SMAP1: variants seen among roughly 807,000 people sequenced by gnomAD.
SMAP1 encodes small ArfGAP 1.
A neutral mutation model predicts 58.5 loss-of-function variants in SMAP1; 24 were observed. The observed-to-expected ratio is 0.41, with a 90% CI of 0.30 to 0.58. SMAP1 has a LOEUF of 0.58. Among genes scored for constraint, SMAP1 ranks in the 20% least tolerant of loss-of-function variants. The pLI is 0.29. For missense variants in SMAP1, 563 were observed against 566.3 expected, an observed-to-expected ratio of 0.99 and a Z score of 0.06; for synonymous variants, 216 against 196.6, an observed-to-expected ratio of 1.10 and a Z score of -0.82.
intron 3 of SMAP1, among the ~76,000 whole-genome samples, chr6:70,758,538 TA>T (rs898462035): frequency 6.6e-6 from 1 of 151,460 alleles, no homozygotes; most frequent in African/African-American, 2.4e-5. Context: ...AATAAATAAA[TA>T]AAAATAAAAA....
intron 1 of SMAP1, among the ~76,000 whole-genome samples, chr6:70,710,493 CAAAAAA>C (rs35171922): frequency 8.0e-5 from 6 of 75,302 alleles, no homozygotes; most frequent in Non-Finnish European, 1.5e-4. Flanking sequence ...ACTCCCATCT[CAAAAAA>C]AAAAAAAAAA....
intron 1 of SMAP1, among the ~76,000 whole-genome samples, chr6:70,706,799 A>G (rs1355157370): frequency 6.6e-6 from 1 of 152,192 alleles, no homozygotes; most frequent in Non-Finnish European, 1.5e-5. Context: ...GATTTTTGGC[A>G]TGAATGTATG....
chr6:70,792,133 C>CT (rs1251825680), intron 5 of SMAP1, among the ~76,000 whole-genome samples: 1 of 151,712 alleles, frequency 6.6e-6, no homozygotes, highest in Non-Finnish European at 1.5e-5. Flanking sequence ...TGTCAAGTTT[C>CT]TTTTTTTTAA....
intron 1 of SMAP1, among the ~76,000 whole-genome samples, chr6:70,672,014 C>T (rs1766286331): frequency 6.6e-6 from 1 of 152,146 alleles, no homozygotes; most frequent in Non-Finnish European, 1.5e-5. Context: ...TTTAGCCTGT[C>T]TGATATTGAG....
Position 70,798,588 on chromosome 6 carries a change from A to G in SMAP1, c.496-69A>G, listed in dbSNP as rs976487990. 6 of 1,213,684 alleles carry G rather than the reference A, an allele frequency of 4.9e-6. No individual in the cohort carries two copies. In the East Asian group the frequency reaches 1.5e-4, roughly 31 times the overall value. The allele number at this position is 1,213,684 out of a possible 1,614,324, so 75.2% of individuals were successfully genotyped here. ...CTTTTTCAGATGATTACTCAAACTA[A>G]TAAGGATGAGTCAAAAATTGCCATT... is the stretch of plus-strand genomic sequence containing the variant. On this transcript the variant is annotated intron_variant, in intron 5 of 10. Transcript: ENST00000370455.
intron 7 of SMAP1, among the ~76,000 whole-genome samples, chr6:70,843,959 G>T (rs1355195371): frequency 1.3e-5 from 2 of 152,116 alleles, no homozygotes; most frequent in Non-Finnish European, 2.9e-5. Context: ...AAATTATGCT[G>T]AGTAACACAC....
intron 2 of SMAP1, among the ~76,000 whole-genome samples, chr6:70,748,505 T>C (rs1192317182): frequency 1.3e-5 from 2 of 152,126 alleles, no homozygotes. Flanking sequence ...TGAATGTATT[T>C]TGAGTGTAAG....
chr6:70,689,028 C>T (rs1464936664), intron 1 of SMAP1, among the ~76,000 whole-genome samples: 1 of 151,610 alleles, frequency 6.6e-6, no homozygotes, highest in Non-Finnish European at 1.5e-5. Context: ...TAGACAGAGT[C>T]TTACTCTGTC....
chr6:70,719,584 T>C (rs990708832), intron 1 of SMAP1, among the ~76,000 whole-genome samples: 1 of 152,142 alleles, frequency 6.6e-6, no homozygotes, highest in African/African-American at 2.4e-5. Context: ...GTCTCCTGTA[T>C]CAGTCGGTTT....
At chr6:70,684,053 G>A (rs1276083598) in intron 1 of SMAP1, among the ~76,000 whole-genome samples, 2 of 152,212 alleles carry the variant, frequency 1.3e-5, no homozygotes, top group East Asian at 1.9e-4. Flanking sequence ...TAACCAAACC[G>A]TTATCTATGT....
intron 6 of SMAP1, among the ~76,000 whole-genome samples, chr6:70,817,400 T>C (rs1435124150): frequency 6.6e-6 from 1 of 152,124 alleles, no homozygotes; most frequent in Non-Finnish European, 1.5e-5. Flanking sequence ...TTTGGAAAGT[T>C]CAAAAGTGGT....
chr6:70,783,038 T>C (rs1442763635), intron 4 of SMAP1, among the ~76,000 whole-genome samples: 5 of 152,136 alleles, frequency 3.3e-5, no homozygotes, highest in Non-Finnish European at 5.9e-5. Flanking sequence ...CATCCCCTAG[T>C]AGGGGCAGAC....
At chr6:70,840,683 A>G (rs1770768289) in intron 7 of SMAP1, among the ~76,000 whole-genome samples, 1 of 152,204 alleles carries the variant, frequency 6.6e-6, no homozygotes, top group South Asian at 2.1e-4. Context: ...TCATATTTAG[A>G]TATTAATTTG....
chr6:70,822,884 T>C (rs1003277939), intron 6 of SMAP1, among the ~76,000 whole-genome samples: 1 of 152,116 alleles, frequency 6.6e-6, no homozygotes, highest in Non-Finnish European at 1.5e-5. Flanking sequence ...TGTATTGATG[T>C]ATCCTCAAGC....
At chr6:70,818,620 G>GC (rs1215564346) in intron 6 of SMAP1, among the ~76,000 whole-genome samples, 11 of 152,012 alleles carry the variant, frequency 7.2e-5, no homozygotes, top group Admixed American at 5.2e-4. Flanking sequence ...TTCTTTCCTG[G>GC]CTTTCTATCC....
At chr6:70,738,470 A>C (rs1348740661) in intron 2 of SMAP1, among the ~76,000 whole-genome samples, 3 of 151,670 alleles carry the variant, frequency 2.0e-5, no homozygotes, top group Non-Finnish European at 2.9e-5. Context: ...AAAAAAAAAA[A>C]AACCAGTGGA....
Position 70,861,939 on chromosome 6 carries a change from T to G in SMAP1, c.*1605T>G, listed in dbSNP as rs1203839514. Reference sequence around the variant, plus strand: ...GGATCCACGACGCTTAAATACAGCTTTTGGATTGGACAAAATGACTTGAAG... The same window carrying G: ...GGATCCACGACGCTTAAATACAGCTGTTGGATTGGACAAAATGACTTGAAG... On this transcript the variant is annotated 3_prime_UTR_variant, in exon 11 of 11. Coordinates refer to ENST00000370455, the MANE Select transcript of SMAP1 (RefSeq NM_001044305.3). 1.2e-6 allele frequency: 2 copies of G among 1,613,968 alleles called. No individual in the cohort carries two copies. The highest frequency in any genetic ancestry group is 1.7e-6 in the Non-Finnish European group (2 of 1,179,896).
intron 8 of SMAP1, among the ~76,000 whole-genome samples, chr6:70,855,476 T>C (rs774108918): frequency 1.3e-5 from 2 of 152,094 alleles, no homozygotes; most frequent in Non-Finnish European, 2.9e-5. Flanking sequence ...TTGTCTCTTA[T>C]CCACAGGGAA....
At position 70,721,180 on chromosome 6, in the gene SMAP1, T is replaced by C. The variant is rs145472876; in HGVS notation, c.119-11198T>C. The stretch of plus-strand genomic sequence containing the variant: ...AGGCTGCAAAGTTTTTTCCAAACTT[T>C]TATGCTCTGCTTCCCTTATAAAACT... On this transcript the variant is annotated intron_variant, in intron 1 of 10. Transcript: ENST00000370455. Among the ~76,000 whole-genome samples the C allele has an allele frequency of 3.9e-3, 600 of 152,336 alleles. 3 individuals carry two copies. The highest frequency in any genetic ancestry group is 0.014 in the African/African-American group (584 of 41,576).
Sources: gnomAD v4.1 joint callset for allele counts (sites outside exome capture counted in the v4.1 genomes callset) on GRCh38, gnomAD v4.1.1 for gene constraint, MANE v1.5 for transcripts, NCBI Gene and HGNC (gene_info 2026-07-23, HGNC 2026-07-21) for gene names.